Variants in IFNLR1 observed in about 807,000 individuals in gnomAD.
IFNLR1 encodes CRF2-12.
A neutral mutation model predicts 52.5 loss-of-function variants in IFNLR1; 28 were observed. That is an observed-to-expected ratio of 0.53 (90% CI 0.40 to 0.73). The LOEUF (loss-of-function observed/expected upper bound fraction) is 0.73, where lower values mean the gene tolerates loss of function less well. IFNLR1 is among the 30% of genes least tolerant of loss of function. The pLI, the probability that IFNLR1 is intolerant of heterozygous loss-of-function variation, is 0.00. For synonymous variants in IFNLR1, 276 were observed against 274.9 expected (o/e 1.00, Z -0.04); for missense variants, 623 against 659.1 (o/e 0.95, Z 0.60).
In IFNLR1 at chr1:24,157,854, T is replaced by C; in HGVS notation, c.839A>G (p.Gln280Arg). Residue 280 changes from glutamine to arginine, a missense_variant, in exon 7 of 7, where the codon CAG (glutamine) becomes CGG (arginine). Physicochemically the swap from Gln to Arg is conservative, Grantham distance 43. Transcript: ENST00000327535. The surrounding 1 kb of genome is among the most constrained non-coding windows in gnomAD (Gnocchi z 5.1). ...ATTCACGGACTCTGGTCTGCTGGGCTGAAAGGTTGCCACAGGGTGTGTGTG... is the reference window on the plus strand; with the variant it reads ...ATTCACGGACTCTGGTCTGCTGGGCCGAAAGGTTGCCACAGGGTGTGTGTG... Reference protein sequence around the residue: ...SGHTHPVATFQPSRPESVNDL... With the variant: ...SGHTHPVATFRPSRPESVNDL... 1 of 1,609,018 alleles carries C rather than the reference T, an allele frequency of 6.2e-7. No individual in the cohort carries two copies. Among genetic ancestry groups the C allele is most frequent in the Non-Finnish European group, 8.5e-7 (1 of 1,177,658 alleles).
chr1:24,158,073 T>A (rs899979950), intron 6 of IFNLR1, among the ~76,000 whole-genome samples, 182 bp from the exon 7 acceptor site: 25 of 152,206 alleles, frequency 1.6e-4, no homozygotes, highest in Non-Finnish European at 2.9e-5. Flanking sequence ...CAGGGTGTTA[T>A]CAAGCAGCTG....
Position 24,156,942 on chromosome 1 carries a change from G to A in IFNLR1, c.*188C>T. The A allele has an allele frequency of 1.6e-6, 1 of 637,214 alleles. No individual in the cohort carries two copies. The highest frequency in any genetic ancestry group is 2.7e-6 in the Non-Finnish European group (1 of 370,750). The allele number at this position is 637,214 out of a possible 1,614,324, so 39.5% of individuals were successfully genotyped here. On this transcript the variant is annotated 3_prime_UTR_variant, in exon 7 of 7. Coordinates refer to ENST00000327535, the MANE Select transcript of IFNLR1 (RefSeq NM_170743.4). ...TTATAGCTCAGCCTAAAGAGGGCGG[G>A]TCACAGGAGGGAGGGGCATCTTGTT...
intron 2 of IFNLR1, among the ~76,000 whole-genome samples, chr1:24,177,639 T>C (rs1278564890): frequency 1.3e-5 from 2 of 152,160 alleles, no homozygotes; most frequent in African/African-American, 2.4e-5. Context: ...CTGACTCAAA[T>C]GTCAGTCTCC....
At chr1:24,178,910 T>C (rs1557652196) in intron 2 of IFNLR1, among the ~76,000 whole-genome samples, 1 of 129,326 alleles carries the variant, frequency 7.7e-6, no homozygotes, top group Non-Finnish European at 1.5e-5. Context: ...TTCTAATGTA[T>C]AAAAGACATG....
intron 3 of IFNLR1, among the ~76,000 whole-genome samples, chr1:24,163,579 C>CTTTTTTTTTTTTTTTTTT (rs78681512): frequency 2.0e-5 from 1 of 50,982 alleles, no homozygotes. Flanking sequence ...ACATCTCTTT[C>CTTTTTTTTTTTTTTTTTT]TTTTTTCTTT....
At position 24,157,503 on chromosome 1, in the gene IFNLR1, G is replaced by A. The variant is rs773897609; in HGVS notation, c.1190C>T (p.Ser397Phe). 2 of 1,612,590 alleles carry A rather than the reference G, an allele frequency of 1.2e-6. No individual in the cohort carries two copies. Among genetic ancestry groups the A allele is most frequent in the East Asian group, 2.2e-5 (1 of 44,862 alleles). ...DRSWASTVDSSWDRAGSSGYL... is the reference protein window; with the variant it reads ...DRSWASTVDSFWDRAGSSGYL... ...GCCAGAGGACCCAGCCCTGTCCCAGGAGGAGTCCACAGTGCTGGCCCAGCT... is the reference window on the plus strand; with the variant it reads ...GCCAGAGGACCCAGCCCTGTCCCAGAAGGAGTCCACAGTGCTGGCCCAGCT... The change falls in exon 7 of 7, where the codon TCC (serine) becomes TTC (phenylalanine). Residue 397 changes from serine (S) to phenylalanine (F), a missense_variant. Coordinates refer to ENST00000327535, the MANE Select transcript of IFNLR1 (RefSeq NM_170743.4). This position sits in a 1 kb window ranked among gnomAD's most constrained non-coding sequence, Gnocchi z 5.1.
At chr1:24,180,271 T>G (rs1644675239) in intron 2 of IFNLR1, among the ~76,000 whole-genome samples, 1 of 147,116 alleles carries the variant, frequency 6.8e-6, no homozygotes, top group Non-Finnish European at 1.5e-5. Flanking sequence ...CACTCCAGCT[T>G]GGGTGACAGA....
intron 4 of IFNLR1, 145 bp downstream of exon 4, chr1:24,161,397 T>G (rs1158050274): frequency 1.2e-6 from 1 of 855,912 alleles, no homozygotes; most frequent in South Asian, 1.7e-5. Flanking sequence ...CAGATTTTAT[T>G]AGGGCTGACT....
chr1:24,162,120 C>T lies in IFNLR1; in HGVS notation c.368-436G>A, dbSNP rs189444915. Reference sequence around the variant, plus strand: ...TCTAGGTCAGAAGTCCAGGTGGGCTCAGCTGGTTCCTCCGCTCTGGGTCTC... The same window carrying T: ...TCTAGGTCAGAAGTCCAGGTGGGCTTAGCTGGTTCCTCCGCTCTGGGTCTC... On this transcript the variant is annotated intron_variant, in intron 3 of 6. Transcript: ENST00000327535. Among the ~76,000 whole-genome samples the T allele has an allele frequency of 2.1e-3, 327 of 152,328 alleles. 2 individuals carry two copies. Among genetic ancestry groups the T allele is most frequent in the African/African-American group, 6.7e-3 (279 of 41,570 alleles).
intron 2 of IFNLR1, 24 bp downstream of exon 2, chr1:24,180,707 A>G (rs765014001): frequency 2.2e-6 from 2 of 923,262 alleles, no homozygotes; most frequent in Non-Finnish European, 2.9e-6. Context: ...CTTCCCATCC[A>G]CCAGCCGAGA....
At chr1:24,176,061 G>C (rs1644630157) in intron 2 of IFNLR1, among the ~76,000 whole-genome samples, 1 of 152,120 alleles carries the variant, frequency 6.6e-6, no homozygotes, top group African/African-American at 2.4e-5. Flanking sequence ...ATGAATACCT[G>C]CCCAGAACTG....
chr1:24,185,976 G>T (rs770334328), intron 1 of IFNLR1, among the ~76,000 whole-genome samples: 2 of 152,174 alleles, frequency 1.3e-5, no homozygotes, highest in Non-Finnish European at 2.9e-5. Flanking sequence ...GTTTGTGTGG[G>T]AGCCAGTATT....
At position 24,180,716 on chromosome 1, in the gene IFNLR1, G is replaced by A. The variant is rs762962944; in HGVS notation, c.182+15C>T. ...CTCAGTCTTCCCATCCACCAGCCGAGAGAGTCCCCTCTACCTCTGATAGGC... is the reference window on the plus strand; with the variant it reads ...CTCAGTCTTCCCATCCACCAGCCGAAAGAGTCCCCTCTACCTCTGATAGGC... On this transcript the variant is annotated intron_variant, in intron 2 of 6. Transcript: ENST00000327535. 2 of 1,424,410 alleles carry A rather than the reference G, an allele frequency of 1.4e-6. No homozygotes were observed. Among genetic ancestry groups the A allele is most frequent in the Admixed American group, 3.7e-5 (2 of 53,406 alleles). The allele number at this position is 1,424,410 out of a possible 1,614,324, so 88.2% of individuals were successfully genotyped here.
chr1:24,182,340 T>C (rs1487695140), intron 1 of IFNLR1, among the ~76,000 whole-genome samples: 2 of 152,242 alleles, frequency 1.3e-5, no homozygotes, highest in Non-Finnish European at 2.9e-5. Context: ...TCAAAAGCCC[T>C]TGTCCCAAGG....
intron 1 of IFNLR1, among the ~76,000 whole-genome samples, chr1:24,182,067 G>A (rs905083487): frequency 2.0e-5 from 3 of 152,080 alleles, no homozygotes; most frequent in African/African-American, 7.2e-5. Context: ...GAACATGATG[G>A]CACAGGGCTG....
chr1:24,159,216 C>T (rs1644414263), intron 5 of IFNLR1, 34 bp from the exon 6 acceptor site: 4 of 1,612,732 alleles, frequency 2.5e-6, no homozygotes, highest in Non-Finnish European at 3.4e-6. Context: ...AGAGAAACAA[C>T]AATGGCTCTT....
At position 24,180,714 on chromosome 1, in the gene IFNLR1, G is replaced by A. The variant is rs373381986; in HGVS notation, c.182+17C>T. On this transcript the variant is annotated intron_variant, in intron 2 of 6. Coordinates refer to ENST00000327535, the MANE Select transcript of IFNLR1 (RefSeq NM_170743.4). ...CCCTCAGTCTTCCCATCCACCAGCC[G>A]AGAGAGTCCCCTCTACCTCTGATAG... The A allele has an allele frequency of 4.0e-5, 32 of 796,194 alleles. No individual in the cohort carries two copies. Among genetic ancestry groups the A allele is most frequent in the African/African-American group, 2.0e-4 (10 of 50,862 alleles). 49.3% of individuals were successfully genotyped at this position (796,194 alleles called of 1,614,324 possible).
At chr1:24,165,233 T>G (rs1343257084) in intron 3 of IFNLR1, among the ~76,000 whole-genome samples, 1 of 152,182 alleles carries the variant, frequency 6.6e-6, no homozygotes, top group East Asian at 1.9e-4. Context: ...TTTGGAAACC[T>G]TCTCGGATAA....
At chr1:24,182,718 G>A (rs1419956408) in intron 1 of IFNLR1, among the ~76,000 whole-genome samples, 2 of 151,978 alleles carry the variant, frequency 1.3e-5, no homozygotes, top group Admixed American at 6.6e-5. Context: ...TCAGGAGTTC[G>A]AGACCAGCCT....
Sources: allele counts gnomAD v4.1 joint callset (sites outside exome capture counted in the v4.1 genomes callset), GRCh38; gene constraint gnomAD v4.1.1; non-coding constraint Gnocchi (gnomAD v3.1); transcripts MANE v1.5; gene names NCBI Gene and HGNC (gene_info 2026-07-23, HGNC 2026-07-21).